MAGI1: variants seen among roughly 807,000 people sequenced by gnomAD.
MAGI1 encodes the protein membrane-associated guanylate kinase, WW and PDZ domain-containing protein 1.
Under a neutral mutation model 139.9 loss-of-function variants are expected in MAGI1, and 58 were observed. That is an observed-to-expected ratio of 0.41 (90% confidence interval 0.34 to 0.52). MAGI1 has a LOEUF of 0.52. Among genes scored for constraint, MAGI1 ranks in the 20% least tolerant of loss-of-function variants. MAGI1 has a pLI of 0.12. For missense variants in MAGI1, 1,874 were observed against 1,901.6 expected (o/e 0.99, Z 0.27); for synonymous variants, 812 against 737.9 (o/e 1.10, Z -1.63).
At chr3:65,542,409 G>T (rs1344891350) in intron 2 of MAGI1, among the ~76,000 whole-genome samples, 3 of 152,074 alleles carry the variant, frequency 2.0e-5, no homozygotes, top group Non-Finnish European at 4.4e-5. Flanking sequence ...CACAGAATTA[G>T]AAAAAACTAC....
chr3:65,916,123 G>C (rs2061892490), intron 1 of MAGI1, among the ~76,000 whole-genome samples: 1 of 151,560 alleles, frequency 6.6e-6, no homozygotes. Context: ...CTGGAGCGCA[G>C]TGGCACATTT....
intron 1 of MAGI1, among the ~76,000 whole-genome samples, chr3:65,767,303 T>A (rs931574345): frequency 2.6e-5 from 4 of 152,020 alleles, no homozygotes; most frequent in Non-Finnish European, 4.4e-5. Flanking sequence ...CAGTTTAGTT[T>A]TTTTTTTAAT....
chr3:65,438,072 C>T (rs959843127), intron 9 of MAGI1, among the ~76,000 whole-genome samples: 4 of 152,304 alleles, frequency 2.6e-5, no homozygotes, highest in African/African-American at 4.8e-5. Context: ...ATGATACCTA[C>T]ACTTGTATGT....
chr3:65,795,503 A>G (rs965105021), intron 1 of MAGI1, among the ~76,000 whole-genome samples: 4 of 152,192 alleles, frequency 2.6e-5, no homozygotes, highest in Admixed American at 6.6e-5. Context: ...GATGGGGAAC[A>G]TATTAGTGAC....
intron 1 of MAGI1, among the ~76,000 whole-genome samples, chr3:65,702,959 C>G (rs1237222248): frequency 2.0e-5 from 3 of 151,876 alleles, no homozygotes; most frequent in Non-Finnish European, 4.4e-5. Flanking sequence ...AGGACTACCC[C>G]CTGCTGAGAA....
intron 1 of MAGI1, among the ~76,000 whole-genome samples, chr3:65,972,278 T>C (rs2065049041): frequency 1.3e-5 from 2 of 152,218 alleles, no homozygotes; most frequent in Admixed American, 6.5e-5. Context: ...CTAATTCAAA[T>C]TGTTAACTAT....
Position 66,012,433 on chromosome 3 carries a change from C to CA in MAGI1, c.313+25562dup, listed in dbSNP as rs373817236. Among the ~76,000 whole-genome samples the CA allele has an allele frequency of 1.2e-3, 183 of 146,450 alleles. 3 individuals carry two copies. Among genetic ancestry groups the CA allele is most frequent in the African/African-American group, 3.9e-3 (158 of 40,142 alleles). On this transcript the variant is annotated intron_variant, in intron 1 of 22. Transcript: ENST00000402939. Reference sequence around the variant, plus strand: ...CCATATCACCAGTCTTACCTTGAAACAAAAAAAAAATATTAAGACTCAGTA... The same window carrying CA: ...CCATATCACCAGTCTTACCTTGAAACAAAAAAAAAAATATTAAGACTCAGTA...
intron 1 of MAGI1, among the ~76,000 whole-genome samples, chr3:65,910,932 A>G (rs1478898738): frequency 4.7e-5 from 6 of 128,526 alleles, no homozygotes. Context: ...ATCTTGGCTC[A>G]ATGCAACCTC....
chr3:65,805,732 A>G (rs184752065), intron 1 of MAGI1, among the ~76,000 whole-genome samples: 1 of 152,344 alleles, frequency 6.6e-6, no homozygotes, highest in East Asian at 1.9e-4. Flanking sequence ...TGTGGCACAT[A>G]TACACCGTGG....
At chr3:66,033,874 G>C (rs1390583288) in intron 1 of MAGI1, among the ~76,000 whole-genome samples, 1 of 152,120 alleles carries the variant, frequency 6.6e-6, no homozygotes, top group East Asian at 1.9e-4. Flanking sequence ...TAAACCTTTG[G>C]AGTCTGGGTG....
intron 2 of MAGI1, among the ~76,000 whole-genome samples, chr3:65,508,454 TAA>T (rs899038108): frequency 7.2e-5 from 11 of 152,140 alleles, no homozygotes; most frequent in African/African-American, 2.7e-4. Context: ...TTTATTATTA[TAA>T]GTTACTTTGA....
At chr3:65,641,418 G>A (rs557519319) in intron 1 of MAGI1, among the ~76,000 whole-genome samples, 1 of 152,284 alleles carries the variant, frequency 6.6e-6, no homozygotes, top group Admixed American at 6.5e-5. Context: ...GAAGGACTAG[G>A]CATCGGTATT....
intron 1 of MAGI1, among the ~76,000 whole-genome samples, chr3:65,734,559 A>AAGAGAGAGAGGGAGAGAG (rs1156292920): frequency 1.8e-4 from 25 of 138,278 alleles, no homozygotes; most frequent in Non-Finnish European, 2.9e-4. Context: ...GAGAGAAAGA[A>AAGAGAGAGAGGGAGAGAG]AGAGAGAGAG....
At chr3:65,515,316 AG>A (rs1033837304) in intron 2 of MAGI1, among the ~76,000 whole-genome samples, 30 of 152,282 alleles carry the variant, frequency 2.0e-4, no homozygotes, top group African/African-American at 7.0e-4. Context: ...TAAAAAAAAA[AG>A]TTACATTTGA....
intron 1 of MAGI1, among the ~76,000 whole-genome samples, chr3:65,976,265 T>C (rs11717075): frequency 0.75 from 114,378 of 152,206 alleles, 44,287 homozygotes; most frequent in Admixed American, 0.87. Context: ...TAATTACTTA[T>C]ATATAGCCAT....
At chr3:65,536,545 A>G (rs2078965782) in intron 2 of MAGI1, among the ~76,000 whole-genome samples, 1 of 152,156 alleles carries the variant, frequency 6.6e-6, no homozygotes, top group Admixed American at 6.5e-5. Context: ...GGTGAGATTT[A>G]TATTAGAAAT....
chr3:65,702,800 T>C (rs2089708192), intron 1 of MAGI1, among the ~76,000 whole-genome samples: 1 of 152,090 alleles, frequency 6.6e-6, no homozygotes. Flanking sequence ...ACCCTGTCCA[T>C]CTTGACAACC....
At chr3:65,627,850 A>G (rs2084069194) in intron 1 of MAGI1, among the ~76,000 whole-genome samples, 1 of 152,102 alleles carries the variant, frequency 6.6e-6, no homozygotes, top group Non-Finnish European at 1.5e-5. Flanking sequence ...TGTGTCTTCT[A>G]AATTTACAGC....
At chr3:65,381,787 T>G in intron 16 of MAGI1, 90 bp downstream of exon 16, 1 of 1,230,420 alleles carries the variant, frequency 8.1e-7, no homozygotes, top group Non-Finnish European at 1.1e-6. Flanking sequence ...TTTGCTAAAA[T>G]AGACGCTCAA....
Sources: gnomAD v4.1 joint callset for allele counts (sites outside exome capture counted in the v4.1 genomes callset) on GRCh38, gnomAD v4.1.1 for gene constraint, MANE v1.5 for transcripts, NCBI Gene and HGNC (gene_info 2026-07-23, HGNC 2026-07-21) for gene names.